The following KLF12 variants were observed in gnomAD, a reference collection of about 807,000 sequenced individuals.
KLF12 encodes KLF transcription factor 12, also known as Krueppel-like factor 12.
In KLF12, 9 loss-of-function variants were observed where a neutral mutation model predicts 37.8. The observed-to-expected ratio is 0.24, with a 90% CI of 0.14 to 0.42. The LOEUF is 0.42. Ranked by LOEUF, KLF12 falls within the 10% of genes least tolerant of loss-of-function variation. The pLI is 1.00. For missense variants in KLF12, 411 were observed against 516.0 expected (o/e 0.80, Z 1.97); for synonymous variants, 208 against 202.1 (o/e 1.03, Z -0.25).
At chr13:73,792,534 T>A (rs1178978104) in intron 5 of KLF12, among the ~76,000 whole-genome samples, 1 of 152,142 alleles carries the variant, frequency 6.6e-6, no homozygotes, top group Non-Finnish European at 1.5e-5. Context: ...ACTAGAATAA[T>A]CTAGATTATC....
chr13:73,968,011 G>C (rs1202840541), intron 2 of KLF12, among the ~76,000 whole-genome samples: 8 of 152,098 alleles, frequency 5.3e-5, no homozygotes, highest in African/African-American at 1.9e-4. Context: ...TCTTTTTATA[G>C]ATGCTCCTTC....
At position 73,822,014 on chromosome 13, in the gene KLF12, T is replaced by C. The variant is rs148192869; in HGVS notation, c.671-8727A>G. On this transcript the variant is annotated intron_variant, in intron 4 of 7. Coordinates refer to ENST00000377669, the MANE Select transcript of KLF12 (RefSeq NM_007249.5). ...TTCTCCAATTATGCTGTTTACTCCTTGAGAGGGGAGACCACGTCAATTATA... is the reference window on the plus strand; with the variant it reads ...TTCTCCAATTATGCTGTTTACTCCTCGAGAGGGGAGACCACGTCAATTATA... Among the ~76,000 whole-genome samples, 17 of 152,308 alleles carry C rather than the reference T, an allele frequency of 1.1e-4. No homozygotes were observed. The East Asian group carries it at 3.3e-3, about 29-fold the overall frequency.
the KLF12 span, among the ~76,000 whole-genome samples, chr13:74,169,326 T>C: frequency 1.3e-5 from 2 of 152,202 alleles, no homozygotes; most frequent in Non-Finnish European, 2.9e-5. Context: ...AACACTAACA[T>C]TGTGAAAAGT....
At position 73,695,667 on chromosome 13, in the gene KLF12, C is replaced by T. The variant is rs1182410510; in HGVS notation, c.1032G>A (p.Glu344=). ...CTTCCCAGGTACACTTGTAAGGTTT[C>T]TCTCCTGGAAGAAACAAAGGAACAC... The change falls in exon 8 of 8, where the codon GAG becomes GAA. Residue 344 remains glutamate, a synonymous_variant. Coordinates refer to ENST00000377669, the MANE Select transcript of KLF12 (RefSeq NM_007249.5). 1.9e-6 allele frequency: 3 copies of T among 1,613,714 alleles called. No homozygotes were observed. The highest frequency in any genetic ancestry group is 2.7e-5 in the African/African-American group (2 of 74,900).
chr13:73,989,193 C>T (rs1249322738), intron 2 of KLF12, among the ~76,000 whole-genome samples: 2 of 152,052 alleles, frequency 1.3e-5, no homozygotes, highest in African/African-American at 4.8e-5. Context: ...AAAAATAAAC[C>T]CTCCACCTTT....
intron 4 of KLF12, among the ~76,000 whole-genome samples, chr13:73,815,763 C>T (rs571648180): frequency 3.9e-5 from 6 of 152,076 alleles, no homozygotes; most frequent in Non-Finnish European, 5.9e-5. Flanking sequence ...CCATTTTGTC[C>T]AAGACAACTA....
intron 3 of KLF12, among the ~76,000 whole-genome samples, chr13:73,878,636 G>C (rs1041634775): frequency 6.6e-6 from 1 of 152,170 alleles, no homozygotes; most frequent in Non-Finnish European, 1.5e-5. Context: ...TCCTAAAAAA[G>C]AGATTTTTCT....
At chr13:73,772,329 C>G (rs548601178) in intron 5 of KLF12, among the ~76,000 whole-genome samples, 1 of 152,162 alleles carries the variant, frequency 6.6e-6, no homozygotes, top group African/African-American at 2.4e-5. Context: ...AACACAGTTC[C>G]TGACTTGAAG....
intron 6 of KLF12, among the ~76,000 whole-genome samples, chr13:73,728,214 A>G (rs1354659233): frequency 1.3e-5 from 2 of 152,160 alleles, no homozygotes; most frequent in African/African-American, 2.4e-5. Flanking sequence ...CTTCTTTTTC[A>G]TGCTATTGTA....
chr13:73,999,577 CA>C (rs5804706), intron 1 of KLF12, among the ~76,000 whole-genome samples: 20 of 145,820 alleles, frequency 1.4e-4, no homozygotes, highest in Admixed American at 6.8e-4. Context: ...ACTAAAAATA[CA>C]AAAAAAAAAA....
chr13:74,243,833 G>A, the KLF12 span, among the ~76,000 whole-genome samples: 2 of 152,186 alleles, frequency 1.3e-5, no homozygotes, highest in Non-Finnish European at 2.9e-5. Flanking sequence ...ATACTAAGAA[G>A]GGCATTCTAA....
intron 3 of KLF12, among the ~76,000 whole-genome samples, chr13:73,873,727 A>G (rs1429996507): frequency 6.6e-6 from 1 of 152,198 alleles, no homozygotes; most frequent in African/African-American, 2.4e-5. Context: ...TCCAGGTAAA[A>G]AAGACATGCT....
At chr13:73,948,655 G>A (rs1223280102) in intron 2 of KLF12, among the ~76,000 whole-genome samples, 3 of 152,202 alleles carry the variant, frequency 2.0e-5, no homozygotes, top group Non-Finnish European at 2.9e-5. Context: ...AGATTTCTTA[G>A]AGAATTCAAC....
At chr13:73,907,043 C>A (rs1236650245) in intron 3 of KLF12, among the ~76,000 whole-genome samples, 5 of 152,154 alleles carry the variant, frequency 3.3e-5, no homozygotes, top group Admixed American at 3.3e-4. Context: ...ACAGTAGAAG[C>A]ACATTTCTTC....
the KLF12 span, among the ~76,000 whole-genome samples, chr13:74,252,206 C>A: frequency 6.6e-6 from 1 of 152,096 alleles, no homozygotes; most frequent in Non-Finnish European, 1.5e-5. Context: ...GCTTGTTTAC[C>A]CTAGAAAGGT....
upstream of KLF12, among the ~76,000 whole-genome samples, chr13:74,134,416 T>A (rs1566229449): frequency 2.0e-5 from 3 of 151,332 alleles, no homozygotes; most frequent in Non-Finnish European, 4.4e-5. Context: ...ATGGTTGAAA[T>A]CCCCTGTGGG....
At chr13:73,931,722 T>C (rs571891014) in intron 3 of KLF12, among the ~76,000 whole-genome samples, 11 of 152,258 alleles carry the variant, frequency 7.2e-5, no homozygotes, top group East Asian at 3.9e-4. Context: ...ATAATGCTGA[T>C]TGGGGAAAAA....
intron 1 of KLF12, among the ~76,000 whole-genome samples, chr13:74,021,177 T>C (rs1349341016): frequency 1.3e-5 from 2 of 152,106 alleles, no homozygotes; most frequent in East Asian, 3.9e-4. Context: ...AAAAGAATGA[T>C]TGGTGTCATG....
At chr13:73,898,780 C>T (rs1379632541) in intron 3 of KLF12, among the ~76,000 whole-genome samples, 3 of 152,176 alleles carry the variant, frequency 2.0e-5, no homozygotes, top group Non-Finnish European at 4.4e-5. Flanking sequence ...CACAATACTC[C>T]TTATTGATTA....
Sources: allele counts gnomAD v4.1 joint callset (sites outside exome capture counted in the v4.1 genomes callset), GRCh38; gene constraint gnomAD v4.1.1; transcripts MANE v1.5; gene names NCBI Gene and HGNC (gene_info 2026-07-23, HGNC 2026-07-21).